Variants in ATRNL1 observed in about 807,000 individuals in gnomAD.
ATRNL1 encodes the protein attractin like 1, also known as attractin-like protein 1.
In ATRNL1, 95 loss-of-function variants were observed where a neutral mutation model predicts 182.7. The ratio of observed to expected loss-of-function variants is 0.52; its 90% CI spans 0.44 to 0.62. The LOEUF (loss-of-function observed/expected upper bound fraction) is 0.62. Ranked by LOEUF, ATRNL1 falls within the 20% of genes least tolerant of loss-of-function variation. The pLI is 0.00. For synonymous variants in ATRNL1, 576 were observed against 568.3 expected (o/e 1.01, Z -0.19); for missense variants, 1,471 against 1,679.5 (o/e 0.88, Z 2.17).
intron 19 of ATRNL1, among the ~76,000 whole-genome samples, chr10:115,336,686 A>G (rs1330898651): frequency 6.6e-6 from 1 of 152,144 alleles, no homozygotes; most frequent in African/African-American, 2.4e-5. Context: ...TTTCATGCCC[A>G]TATGTAATTA....
At chr10:115,352,400 C>T (rs28842563) in intron 19 of ATRNL1, among the ~76,000 whole-genome samples, 1,958 of 151,748 alleles carry the variant, frequency 0.013, 35 homozygotes, top group African/African-American at 0.044. Flanking sequence ...ATTAAGTGTT[C>T]TTATTTGAAA....
intron 27 of ATRNL1, among the ~76,000 whole-genome samples, chr10:115,788,078 C>A (rs1949439073): frequency 6.6e-6 from 1 of 152,056 alleles, no homozygotes; most frequent in African/African-American, 2.4e-5. Context: ...TAACATTTTC[C>A]CTTGGAAAAT....
rs563976841 is a variant in ATRNL1 at position 115,223,030 on chromosome 10, A to G, written c.1532+7150A>G. On this transcript the variant is annotated intron_variant, in intron 9 of 28. Transcript: ENST00000355044. The stretch of plus-strand genomic sequence containing the variant: ...CATGGTGGCTTATGCCTGTAATCCT[A>G]GCACTTTGGAGAGCTGAGGTGGGCA... Among the ~76,000 whole-genome samples, 5 of 152,298 alleles carry G rather than the reference A, an allele frequency of 3.3e-5. No individual in the cohort carries two copies. In the East Asian group the frequency reaches 7.7e-4, roughly 24 times the overall value.
intron 20 of ATRNL1, among the ~76,000 whole-genome samples, chr10:115,404,878 A>T (rs1228960349): frequency 2.7e-5 from 4 of 147,704 alleles, no homozygotes; most frequent in Non-Finnish European, 5.9e-5. Flanking sequence ...GGAGACTAGT[A>T]TAGTCCATGA....
chr10:115,368,702 G>A (rs1476841061), intron 19 of ATRNL1, among the ~76,000 whole-genome samples: 18 of 149,982 alleles, frequency 1.2e-4, no homozygotes, highest in Admixed American at 7.3e-4. Flanking sequence ...CTCTGCTTTT[G>A]TATATTCGAT....
Position 115,234,835 on chromosome 10 carries a change from C to T in ATRNL1, c.1533-6736C>T, listed in dbSNP as rs369995292. 7.4e-4 allele frequency among the ~76,000 whole-genome samples: 113 copies of T among 152,110 alleles called. No homozygotes were observed. The East Asian group carries it at 0.014, about 19-fold the overall frequency. On this transcript the variant is annotated intron_variant, in intron 9 of 28. Transcript: ENST00000355044. ...AACTCCTGAGGTCAAGCCATCCGCCCGCCTTGGCCTCCCAAAGTGCTGGGA... is the reference window on the plus strand; with the variant it reads ...AACTCCTGAGGTCAAGCCATCCGCCTGCCTTGGCCTCCCAAAGTGCTGGGA...
At chr10:115,418,289 AAATGAAATACAATG>A (rs1327423017) in intron 20 of ATRNL1, among the ~76,000 whole-genome samples, 4 of 152,222 alleles carry the variant, frequency 2.6e-5, no homozygotes, top group Non-Finnish European at 5.9e-5. Context: ...TGAATGAGTG[AAATGAAATACAATG>A]AATGAAATAA....
At chr10:115,601,275 C>G (rs1439079117) in intron 26 of ATRNL1, among the ~76,000 whole-genome samples, 2 of 151,974 alleles carry the variant, frequency 1.3e-5, no homozygotes, top group African/African-American at 4.8e-5. Context: ...CATTGTAGTG[C>G]TATTGGAAAC....
intron 8 of ATRNL1, among the ~76,000 whole-genome samples, chr10:115,209,735 T>TGATCTATA (rs1369268744): frequency 6.6e-6 from 1 of 151,896 alleles, no homozygotes; most frequent in Non-Finnish European, 1.5e-5. Context: ...TTTTCTGAGG[T>TGATCTATA]GATCTATATG....
intron 25 of ATRNL1, among the ~76,000 whole-genome samples, chr10:115,534,896 G>T (rs1173903118): frequency 2.2e-4 from 33 of 152,238 alleles, no homozygotes; most frequent in African/African-American, 7.5e-4. Context: ...GAAATTCTGG[G>T]TTGAAAATTC....
chr10:115,359,073 C>G (rs1372037910), intron 19 of ATRNL1, among the ~76,000 whole-genome samples: 1 of 151,632 alleles, frequency 6.6e-6, no homozygotes, highest in Non-Finnish European at 1.5e-5. Flanking sequence ...AATCTCAGCT[C>G]CAATAAAATT....
chr10:115,559,993 A>C (rs1452884700), intron 26 of ATRNL1, among the ~76,000 whole-genome samples: 2 of 152,230 alleles, frequency 1.3e-5, no homozygotes, highest in Admixed American at 1.3e-4. Flanking sequence ...ATTCTTTAGA[A>C]ATCCACTAAA....
chr10:115,168,177 G>A (rs1554884765), intron 7 of ATRNL1, among the ~76,000 whole-genome samples: 2 of 151,956 alleles, frequency 1.3e-5, no homozygotes, highest in African/African-American at 2.4e-5. Flanking sequence ...TCCTTTTTAT[G>A]GCTAAATAAT....
At chr10:115,281,606 C>A in intron 14 of ATRNL1, 119 bp downstream of exon 14, 2 of 1,012,398 alleles carry the variant, frequency 2.0e-6, no homozygotes, top group Non-Finnish European at 2.9e-6. Context: ...AAATATCAAC[C>A]TATAATATTG....
At chr10:115,161,054 A>T (rs180898540) in intron 6 of ATRNL1, among the ~76,000 whole-genome samples, 1,874 of 151,856 alleles carry the variant, frequency 0.012, 37 homozygotes, top group African/African-American at 0.042. Context: ...ATATATATAT[A>T]TTTTTTACAA....
intron 28 of ATRNL1, among the ~76,000 whole-genome samples, chr10:115,859,507 T>C (rs1337817635): frequency 1.3e-5 from 2 of 152,098 alleles, no homozygotes; most frequent in Non-Finnish European, 2.9e-5. Context: ...AGAAGGGAAC[T>C]CCCTAGATCC....
chr10:115,215,568 A>G, intron 8 of ATRNL1, 129 bp from the exon 9 acceptor site: 2 of 728,816 alleles, frequency 2.7e-6, no homozygotes, highest in Non-Finnish European at 4.2e-6. Flanking sequence ...TGATTAAATT[A>G]ATATTAGATA....
chr10:115,904,431 CA>C (rs1442844754), intron 28 of ATRNL1, among the ~76,000 whole-genome samples: 2 of 152,190 alleles, frequency 1.3e-5, no homozygotes, highest in Non-Finnish European at 2.9e-5. Context: ...CCTGTCAAGA[CA>C]GTCTTACTCC....
chr10:115,804,035 T>G (rs1246537717), intron 27 of ATRNL1, among the ~76,000 whole-genome samples: 2 of 152,230 alleles, frequency 1.3e-5, no homozygotes, highest in Non-Finnish European at 2.9e-5. Context: ...CATATGAGAA[T>G]GTCACATAAT....
Sources: gnomAD v4.1 joint callset for allele counts (sites outside exome capture counted in the v4.1 genomes callset) on GRCh38, gnomAD v4.1.1 for gene constraint, MANE v1.5 for transcripts, NCBI Gene and HGNC (gene_info 2026-07-23, HGNC 2026-07-21) for gene names.